The following BAZ2A variants were observed in gnomAD, a reference collection of about 807,000 sequenced individuals.
BAZ2A encodes the protein bromodomain adjacent to zinc finger domain 2A.
BAZ2A carries 34 observed loss-of-function variants against 199.9 expected under a neutral mutation model. That is an observed-to-expected ratio of 0.17 (90% confidence interval 0.13 to 0.23). The LOEUF (loss-of-function observed/expected upper bound fraction) is 0.23, where lower values mean the gene tolerates loss of function less well. Among genes scored for constraint, BAZ2A ranks in the 10% least tolerant of loss-of-function variants. BAZ2A has a pLI of 1.00. For missense variants in BAZ2A, 2,002 were observed against 2,391.1 expected (o/e 0.84, Z 3.39); for synonymous variants, 857 against 883.9 (o/e 0.97, Z 0.54).
Position 56,602,001 on chromosome 12 carries a change from G to C in BAZ2A, c.3616C>G (p.Pro1206Ala), listed in dbSNP as rs995114251. Reference sequence around the variant, plus strand: ...TGTTCTGAATCCTGACCCCTGACAGGGGACTTAAGATGCCTAGGTTGCATA... The same window carrying C: ...TGTTCTGAATCCTGACCCCTGACAGCGGACTTAAGATGCCTAGGTTGCATA... ...GSMQPRHLKS[P>A]VRGQDSEQPQ... Residue 1206 changes from proline to alanine, a missense_variant, in exon 20 of 29, where the codon CCT becomes GCT. Pro to Ala is a conservative substitution (Grantham distance 27). Coordinates refer to ENST00000549884, the MANE Select transcript of BAZ2A (RefSeq NM_001300905.2). 39 of 1,555,382 alleles carry C rather than the reference G, an allele frequency of 2.5e-5. No individual in the cohort carries two copies. Among genetic ancestry groups the C allele is most frequent in the Non-Finnish European group, 3.2e-5 (37 of 1,148,896 alleles).
At chr12:56,618,693 T>C (rs1273112236) in intron 1 of BAZ2A, among the ~76,000 whole-genome samples, 2 of 149,350 alleles carry the variant, frequency 1.3e-5, no homozygotes, top group Admixed American at 6.7e-5. Flanking sequence ...AACATGGTAA[T>C]ACCCTGTCTC....
At chr12:56,614,292 C>T in intron 3 of BAZ2A, 154 bp from the exon 4 acceptor site, 1 of 728,350 alleles carries the variant, frequency 1.4e-6, no homozygotes, top group Non-Finnish European at 2.2e-6. Flanking sequence ...CATCAAGATA[C>T]TCTGAGCAGA....
intron 2 of BAZ2A, among the ~76,000 whole-genome samples, chr12:56,616,015 T>C (rs779416373): frequency 9.2e-5 from 14 of 152,212 alleles, no homozygotes; most frequent in Non-Finnish European, 1.8e-4. Context: ...GTGATTCTCC[T>C]GCCTCAGCCT....
chr12:56,637,393 C>A (rs1410918628), upstream of BAZ2A, among the ~76,000 whole-genome samples: 1 of 152,210 alleles, frequency 6.6e-6, no homozygotes, highest in Non-Finnish European at 1.5e-5. Context: ...AATTGCTATT[C>A]CCTTGTAAGA....
At chr12:56,621,358 G>C (rs902314264) in intron 1 of BAZ2A, 1 of 737,704 alleles carries the variant, frequency 1.4e-6, no homozygotes. Context: ...TTTAGTATGT[G>C]AGATCAGTTT....
intron 10 of BAZ2A, among the ~76,000 whole-genome samples, chr12:56,609,084 T>G (rs1950471596): frequency 6.6e-6 from 1 of 151,966 alleles, no homozygotes; most frequent in Non-Finnish European, 1.5e-5. Flanking sequence ...TTTACCATGT[T>G]CGCCAGGATG....
rs1246825918 is a variant in BAZ2A at position 56,599,350 on chromosome 12, C to T, written c.5181G>A (p.Glu1727=). 4 of 1,612,526 alleles carry T rather than the reference C, an allele frequency of 2.5e-6. No homozygotes were observed. Among genetic ancestry groups the T allele is most frequent in the Non-Finnish European group, 3.4e-6 (4 of 1,179,630 alleles). ...FCTVCLAQQV[E]GEFTQKPGFP... ...AACCAGGCTTCTGAGTGAATTCTCC[C>T]TCCACCTGCTTAGTATAGGAAACAG... is the stretch of plus-strand genomic sequence containing the variant. Residue 1727 remains glutamate, a synonymous_variant, in exon 27 of 29, where the codon GAG becomes GAA. Transcript: ENST00000549884.
In BAZ2A at chr12:56,606,210, T is replaced by C. The variant is rs1368323235; in HGVS notation, c.2259+37A>G. 4.3e-6 allele frequency: 7 copies of C among 1,613,198 alleles called. 1 individual carries two copies. In the South Asian group the frequency reaches 7.7e-5, roughly 18 times the overall value. ...GTCCTGCAAAATCAGTTTAGTGGCT[T>C]CGAAATTATACTTGGCAAGTTTGTA... On this transcript the variant is annotated intron_variant, in intron 12 of 28. Transcript: ENST00000549884.
In BAZ2A at chr12:56,606,602, C is replaced by T. The variant is rs755270392; in HGVS notation, c.2193+31G>A. 3.2e-6 allele frequency: 5 copies of T among 1,584,284 alleles called. No homozygotes were observed. The South Asian group carries it at 3.3e-5, about 11-fold the overall frequency. On this transcript the variant is annotated intron_variant, in intron 11 of 28. Transcript: ENST00000549884. The stretch of plus-strand genomic sequence containing the variant: ...TGAAGTAAGTTGTAGGAAAAATTAA[C>T]CTACTGTTTCATCTCTCTGATGTCC...
chr12:56,632,670 T>C (rs1420098294), upstream of BAZ2A, among the ~76,000 whole-genome samples: 2 of 151,946 alleles, frequency 1.3e-5, no homozygotes, highest in African/African-American at 4.8e-5. Flanking sequence ...CCACTTGGGA[T>C]TAGAAAAGAA....
Position 56,599,806 on chromosome 12 carries a change from G to A in BAZ2A, c.5068C>T (p.Leu1690=). The change falls in exon 26 of 29, where the codon CTG becomes TTG. Residue 1690 remains leucine (L), a synonymous_variant. Coordinates refer to ENST00000549884, the MANE Select transcript of BAZ2A (RefSeq NM_001300905.2). Reference sequence around the variant, plus strand: ...CCACGGTCACACCCATCACAAAGCAGAAGAAACTCATCATTGTCACCCTTC... The same window carrying A: ...CCACGGTCACACCCATCACAAAGCAAAAGAAACTCATCATTGTCACCCTTC... ...CRKGDNDEFL[L]LCDGCDRGCH... is the part of the protein sequence containing the mutation. 1 of 1,613,996 alleles carries A rather than the reference G, an allele frequency of 6.2e-7. No homozygotes were observed. The highest frequency in any genetic ancestry group is 8.5e-7 in the Non-Finnish European group (1 of 1,179,876).
At chr12:56,638,242 G>T (rs1951485252), upstream of BAZ2A, 1 of 1,153,588 alleles carries the variant, frequency 8.7e-7, no homozygotes. Flanking sequence ...TTCAATCAAG[G>T]CTCTTGTGCA....
At chr12:56,630,381 C>CCCCCCTTACTACGGGGAA, upstream of BAZ2A, 1 of 645,664 alleles carries the variant, frequency 1.5e-6, no homozygotes, top group Non-Finnish European at 1.9e-6. Context: ...TCTCCCCACG[C>CCCCCCTTACTACGGGGAA]GGCCTCCGCC....
At chr12:56,629,217 G>A (rs899339647) in intron 1 of BAZ2A, among the ~76,000 whole-genome samples, 1 of 152,146 alleles carries the variant, frequency 6.6e-6, no homozygotes, top group Non-Finnish European at 1.5e-5. Context: ...GGGAGGGGCT[G>A]TTTGTGTACA....
chr12:56,598,794 C>A lies in BAZ2A; in HGVS notation c.5547-11G>T, dbSNP rs776119583. ...TCTGAGCTGGTGTACCTGGACAGGG[C>A]AGGGGCAAAACTGTGAGCTGGGTAG... On this transcript the variant is annotated splice_polypyrimidine_tract_variant and intron_variant, in intron 28 of 28. Coordinates refer to ENST00000549884, the MANE Select transcript of BAZ2A (RefSeq NM_001300905.2). 2 of 1,610,858 alleles carry A rather than the reference C, an allele frequency of 1.2e-6. No individual in the cohort carries two copies. The highest frequency in any genetic ancestry group is 4.5e-5 in the East Asian group (2 of 44,812).
chr12:56,633,739 G>GTTTGT (rs576486157), upstream of BAZ2A, among the ~76,000 whole-genome samples: 51 of 151,718 alleles, frequency 3.4e-4, no homozygotes, highest in East Asian at 7.8e-3. Context: ...TTGTTTGTTT[G>GTTTGT]TTTGTTTTGT....
rs547208221 is a variant in BAZ2A at position 56,603,736 on chromosome 12, A to C, written c.3039-36T>G. Reference sequence around the variant, plus strand: ...ATGGAGAAAGATTAAGGGAAGGCCAAGTGTGGTGGCTCACACCTGTAATTC... The same window carrying C: ...ATGGAGAAAGATTAAGGGAAGGCCACGTGTGGTGGCTCACACCTGTAATTC... On this transcript the variant is annotated intron_variant, in intron 16 of 28. Coordinates refer to ENST00000549884, the MANE Select transcript of BAZ2A (RefSeq NM_001300905.2). 4 of 1,609,770 alleles carry C rather than the reference A, an allele frequency of 2.5e-6. No homozygotes were observed. In the African/African-American group the frequency reaches 5.3e-5, roughly 21 times the overall value.
Position 56,612,245 on chromosome 12 carries a change from A to C in BAZ2A, c.1137T>G (p.Asp379Glu). The part of the protein sequence containing the change: ...PPVLGESVLQ[D>E]NSFDLNNGSD... ...TACCATTATTCAGGTCAAAGCTGTT[A>C]TCTAGAATCCAAAGGGACAGGATAG... Residue 379 changes from aspartate (D) to glutamate (E), a missense_variant and splice_region_variant, in exon 6 of 29, where the codon GAT (aspartate) becomes GAG (glutamate). Transcript: ENST00000549884. The C allele has an allele frequency of 6.2e-7, 1 of 1,611,120 alleles. No homozygotes were observed. Among genetic ancestry groups the C allele is most frequent in the Non-Finnish European group, 8.5e-7 (1 of 1,177,678 alleles).
chr12:56,612,812 G>A (rs1412065629), intron 5 of BAZ2A, among the ~76,000 whole-genome samples: 8 of 152,118 alleles, frequency 5.3e-5, no homozygotes, highest in African/African-American at 1.2e-4. Context: ...TAGTAGAGGC[G>A]GGGTTTCACC....
Sources: gnomAD v4.1 joint callset for allele counts (sites outside exome capture counted in the v4.1 genomes callset) on GRCh38, gnomAD v4.1.1 for gene constraint, MANE v1.5 for transcripts, NCBI Gene and HGNC (gene_info 2026-07-23, HGNC 2026-07-21) for gene names.